The following TEC variants were observed in gnomAD, a reference collection of about 807,000 sequenced individuals.
TEC encodes the protein tyrosine-protein kinase Tec.
TEC carries 72 observed loss-of-function variants against 93.0 expected under a neutral mutation model. That is an observed-to-expected ratio of 0.77 (90% CI 0.64 to 0.94). The LOEUF (loss-of-function observed/expected upper bound fraction) is 0.94. Ranked by LOEUF, TEC falls within the 40% of genes least tolerant of loss-of-function variation. The probability of loss-of-function intolerance (pLI) is 0.00; values close to 1 mark genes in which losing one functional copy is unlikely to be tolerated. For missense variants in TEC, 630 were observed against 757.9 expected (o/e 0.83, Z 1.98); for synonymous variants, 249 against 247.7 (o/e 1.01, Z -0.05).
At position 48,174,397 on chromosome 4, in the gene TEC, G is replaced by A. The variant is rs144886387; in HGVS notation, c.243+1685C>T. ...TAGGAGGCCCGGTGCAGTGGCTCAC[G>A]ACTGTAATCTCAGTACTTTGGGAGG... On this transcript the variant is annotated intron_variant, in intron 3 of 17. Transcript: ENST00000381501. 3.2e-3 allele frequency among the ~76,000 whole-genome samples: 491 copies of A among 152,240 alleles called. 2 individuals carry two copies. The highest frequency in any genetic ancestry group is 0.011 in the African/African-American group (476 of 41,526).
At chr4:48,260,200 A>G (rs1430304030) in intron 1 of TEC, among the ~76,000 whole-genome samples, 1 of 152,210 alleles carries the variant, frequency 6.6e-6, no homozygotes, top group Non-Finnish European at 1.5e-5. Context: ...TAACAGAGAC[A>G]CTGTAATTCT....
chr4:48,220,081 G>A (rs544837138), intron 2 of TEC, among the ~76,000 whole-genome samples: 3 of 151,474 alleles, frequency 2.0e-5, no homozygotes, highest in Non-Finnish European at 2.9e-5. Context: ...TTATGTCATG[G>A]TTCACAACAT....
At chr4:48,196,679 T>G (rs771155131) in intron 2 of TEC, among the ~76,000 whole-genome samples, 24 of 152,220 alleles carry the variant, frequency 1.6e-4, no homozygotes, top group Non-Finnish European at 3.1e-4. Context: ...TGACTATGTC[T>G]TATAAAAGCC....
At chr4:48,142,010 G>A (rs1719693334) in intron 14 of TEC, among the ~76,000 whole-genome samples, 1 of 152,140 alleles carries the variant, frequency 6.6e-6, no homozygotes, top group South Asian at 2.1e-4. Flanking sequence ...CTCCTTCCCA[G>A]ACCTGTTCTT....
At chr4:48,177,893 G>T (rs193278401) in intron 2 of TEC, among the ~76,000 whole-genome samples, 1 of 152,050 alleles carries the variant, frequency 6.6e-6, no homozygotes, top group East Asian at 1.9e-4. Context: ...CTTGCCTGCC[G>T]CCATGTAAGA....
At chr4:48,200,939 A>G (rs144934990) in intron 2 of TEC, among the ~76,000 whole-genome samples, 56 of 152,360 alleles carry the variant, frequency 3.7e-4, no homozygotes, top group African/African-American at 1.2e-3. Flanking sequence ...TGGTTTTTCC[A>G]CACTGAGAAA....
intron 2 of TEC, among the ~76,000 whole-genome samples, chr4:48,214,962 G>GACT (rs1248545269): frequency 6.6e-6 from 1 of 152,008 alleles, no homozygotes; most frequent in African/African-American, 2.4e-5. Flanking sequence ...AGACCAGCCT[G>GACT]ACTAACATGG....
At chr4:48,175,353 C>A (rs1444565114) in intron 3 of TEC, among the ~76,000 whole-genome samples, 1 of 152,178 alleles carries the variant, frequency 6.6e-6, no homozygotes. Flanking sequence ...CATGGTGAGA[C>A]CACAGCCATG....
chr4:48,169,290 T>G (rs1428506412), intron 5 of TEC, among the ~76,000 whole-genome samples: 1 of 151,990 alleles, frequency 6.6e-6, no homozygotes, highest in Non-Finnish European at 1.5e-5. Context: ...GAAATAAATT[T>G]CTCTCTAGTT....
At chr4:48,231,268 ACAGC>A (rs2109643272) in intron 1 of TEC, among the ~76,000 whole-genome samples, 1 of 152,282 alleles carries the variant, frequency 6.6e-6, no homozygotes, top group East Asian at 1.9e-4. Flanking sequence ...AATTAACCCA[ACAGC>A]CAACTTAAGC....
chr4:48,162,530 T>C (rs1006212713), intron 8 of TEC, among the ~76,000 whole-genome samples: 6 of 152,222 alleles, frequency 3.9e-5, no homozygotes, highest in Admixed American at 3.3e-4. Context: ...AGTTTTCACC[T>C]TTTAGCACCT....
chr4:48,186,081 G>T (rs1218168432), intron 2 of TEC, among the ~76,000 whole-genome samples: 1 of 152,228 alleles, frequency 6.6e-6, no homozygotes, highest in Admixed American at 6.5e-5. Flanking sequence ...CTGGTCTCCA[G>T]CTCCTGACCG....
intron 14 of TEC, among the ~76,000 whole-genome samples, chr4:48,142,904 G>T (rs568415868): frequency 6.6e-6 from 1 of 151,824 alleles, no homozygotes; most frequent in African/African-American, 2.4e-5. Flanking sequence ...GGATGGTCTC[G>T]ATCTCTTGAC....
At chr4:48,182,935 A>G (rs1180742683) in intron 2 of TEC, among the ~76,000 whole-genome samples, 1 of 152,200 alleles carries the variant, frequency 6.6e-6, no homozygotes. Flanking sequence ...CAAGGCATCC[A>G]GAGTCCCCAC....
intron 1 of TEC, among the ~76,000 whole-genome samples, chr4:48,244,541 G>A (rs1356574525): frequency 1.3e-5 from 2 of 152,184 alleles, no homozygotes; most frequent in Non-Finnish European, 2.9e-5. Context: ...CCCACAACAC[G>A]TGGGAATTCA....
intron 2 of TEC, among the ~76,000 whole-genome samples, chr4:48,185,086 T>A (rs1287752908): frequency 6.6e-6 from 1 of 152,196 alleles, no homozygotes; most frequent in Non-Finnish European, 1.5e-5. Context: ...CCTTATGGAA[T>A]GTACAAAAAC....
At chr4:48,205,730 G>A (rs566399161) in intron 2 of TEC, among the ~76,000 whole-genome samples, 1 of 152,306 alleles carries the variant, frequency 6.6e-6, no homozygotes, top group Non-Finnish European at 1.5e-5. Context: ...AAATTGGAAC[G>A]CTTGCACACT....
In TEC at chr4:48,167,926, C is replaced by T. The variant is rs1488841792; in HGVS notation, c.523G>A (p.Glu175Lys). The change falls in exon 7 of 18, where the codon GAA (glutamate) becomes AAA (lysine). Residue 175 changes from glutamate (E) to lysine (K), a missense_variant. Coordinates refer to ENST00000381501, the MANE Select transcript of TEC (RefSeq NM_003215.3). ...ATTTCTTCACTATTATCTTCTTCTT[C>T]TAGTGGAATTGGTGGGGGAGGCCTT... ...KRRPPPPIPLEEEDNSEEIVV... is the reference protein window; with the variant it reads ...KRRPPPPIPLKEEDNSEEIVV... 6.2e-7 allele frequency: 1 copy of T among 1,613,780 alleles called. No individual in the cohort carries two copies.
intron 7 of TEC, among the ~76,000 whole-genome samples, chr4:48,164,740 G>T (rs1220113412): frequency 6.6e-6 from 1 of 152,060 alleles, no homozygotes; most frequent in East Asian, 1.9e-4. Context: ...AGTGGCTCAC[G>T]CCTGTAATCC....
Sources: gnomAD v4.1 joint callset for allele counts (sites outside exome capture counted in the v4.1 genomes callset) on GRCh38, gnomAD v4.1.1 for gene constraint, MANE v1.5 for transcripts, NCBI Gene and HGNC (gene_info 2026-07-23, HGNC 2026-07-21) for gene names.